IGDCC4: variants seen among roughly 807,000 people sequenced by gnomAD.
IGDCC4 encodes the protein immunoglobulin superfamily DCC subclass member 4.
IGDCC4 carries 72 observed loss-of-function variants against 116.6 expected under a neutral mutation model. The observed-to-expected ratio is 0.62, with a 90% CI of 0.51 to 0.75. The LOEUF is 0.75. Ranked by LOEUF, IGDCC4 falls within the 30% of genes least tolerant of loss-of-function variation. The pLI is 0.00. For missense variants in IGDCC4, 1,501 were observed against 1,662.4 expected (o/e 0.90, Z 1.69); for synonymous variants, 709 against 719.9 (o/e 0.98, Z 0.24).
At chr15:65,387,292 GCATAAGCA>G (rs2091469272) in intron 16 of IGDCC4, among the ~76,000 whole-genome samples, 6 of 151,992 alleles carry the variant, frequency 3.9e-5, no homozygotes, top group Non-Finnish European at 7.4e-5. Context: ...CTTCCAAAGT[GCATAAGCA>G]CTTTGGATTA....
chr15:65,421,806 C>T (rs2140248430), intron 1 of IGDCC4, among the ~76,000 whole-genome samples: 1 of 152,210 alleles, frequency 6.6e-6, no homozygotes, highest in East Asian at 1.9e-4. Context: ...CACCTACACT[C>T]CCCATGAGCC....
chr15:65,418,802 T>C (rs2063165808), intron 1 of IGDCC4, among the ~76,000 whole-genome samples: 2 of 151,810 alleles, frequency 1.3e-5, no homozygotes, highest in South Asian at 4.2e-4. Flanking sequence ...TGCTGTACCA[T>C]GGGAGAGAAT....
Position 65,384,145 on chromosome 15 carries a change from G to A in IGDCC4, c.3617C>T (p.Ala1206Val), listed in dbSNP as rs896761772. 2.5e-6 allele frequency: 4 copies of A among 1,613,670 alleles called. No homozygotes were observed. In the Admixed American group the frequency reaches 6.7e-5, roughly 27 times the overall value. Residue 1206 changes from alanine to valine, a missense_variant, in exon 20 of 20, where the codon GCT becomes GTT. Coordinates refer to ENST00000352385, the MANE Select transcript of IGDCC4 (RefSeq NM_020962.3). This position sits in a 1 kb window ranked among gnomAD's most constrained non-coding sequence, Gnocchi z 4.9. Reference sequence around the variant, plus strand: ...CTGGAGGTCCGGGTAGGAGCAGGAAGCACTGGCTGCCTCTGGCAAGCAGGT... The same window carrying A: ...CTGGAGGTCCGGGTAGGAGCAGGAAACACTGGCTGCCTCTGGCAAGCAGGT... ...RLTCLPEAASASCSYPDLQPG... is the reference protein window; with the variant it reads ...RLTCLPEAASVSCSYPDLQPG...
At position 65,392,129 on chromosome 15, in the gene IGDCC4, C is replaced by T. The variant is rs1361560182; in HGVS notation, c.2122+5G>A. Reference sequence around the variant, plus strand: ...CTCCCTCCCCCTCCCCCCAGCCCTCCTCACCTAGCTGGGTCAGCTCATACT... The same window carrying T: ...CTCCCTCCCCCTCCCCCCAGCCCTCTTCACCTAGCTGGGTCAGCTCATACT... On this transcript the variant is annotated splice_donor_5th_base_variant and intron_variant, in intron 11 of 19. Transcript: ENST00000352385. The T allele has an allele frequency of 1.3e-6, 2 of 1,582,804 alleles. No homozygotes were observed. The highest frequency in any genetic ancestry group is 2.7e-5 in the African/African-American group (2 of 74,250).
chr15:65,384,159 T>C lies in IGDCC4; in HGVS notation c.3603A>G (p.Pro1201=). 1 of 1,613,818 alleles carries C rather than the reference T, an allele frequency of 6.2e-7. No individual in the cohort carries two copies. Among genetic ancestry groups the C allele is most frequent in the Non-Finnish European group, 8.5e-7 (1 of 1,179,916 alleles). ...APGPDRLTCL[P]EAASASCSYP... Reference sequence around the variant, plus strand: ...AGGAGCAGGAAGCACTGGCTGCCTCTGGCAAGCAGGTAAGTCTGTCTGGCC... The same window carrying C: ...AGGAGCAGGAAGCACTGGCTGCCTCCGGCAAGCAGGTAAGTCTGTCTGGCC... The change falls in exon 20 of 20, where the codon CCA becomes CCG. Residue 1201 remains proline, a synonymous_variant. Coordinates refer to ENST00000352385, the MANE Select transcript of IGDCC4 (RefSeq NM_020962.3). The surrounding 1 kb of genome is among the most constrained non-coding windows in gnomAD (Gnocchi z 4.9).
Position 65,393,651 on chromosome 15 carries a change from G to A in IGDCC4, c.1715-120C>T, listed in dbSNP as rs377529812. 108 of 1,037,298 alleles carry A rather than the reference G, an allele frequency of 1.0e-4. No homozygotes were observed. Among genetic ancestry groups the A allele is most frequent in the East Asian group, 1.5e-4 (6 of 39,216 alleles). The allele number at this position is 1,037,298 out of a possible 1,614,324, so 64.3% of individuals were successfully genotyped here. On this transcript the variant is annotated intron_variant, in intron 9 of 19. Transcript: ENST00000352385. The surrounding 1 kb of genome is among the most constrained non-coding windows in gnomAD (Gnocchi z 4.6). ...CTCCGTGCCCGTGGGAGCCTGAGGC[G>A]TTCTCAGCACTGACCCCTCAGTGCC...
intron 5 of IGDCC4, among the ~76,000 whole-genome samples, chr15:65,399,207 A>G (rs1172854762): frequency 6.6e-6 from 1 of 151,880 alleles, no homozygotes; most frequent in Non-Finnish European, 1.5e-5. Flanking sequence ...GCAGTGACTC[A>G]TGGCTGTAAT....
chr15:65,412,332 T>C (rs2063102487), intron 1 of IGDCC4, among the ~76,000 whole-genome samples: 1 of 151,386 alleles, frequency 6.6e-6, no homozygotes, highest in Admixed American at 6.6e-5. Flanking sequence ...ACCAACATGG[T>C]GAAACCCCGT....
intron 10 of IGDCC4, among the ~76,000 whole-genome samples, chr15:65,392,573 G>A (rs1351789559): frequency 6.6e-6 from 1 of 152,158 alleles, no homozygotes; most frequent in African/African-American, 2.4e-5. Context: ...GTCTAGAGGT[G>A]AACTCACTGT....
In IGDCC4 at chr15:65,386,660, G is replaced by T; in HGVS notation, c.2846-4C>A. 6.2e-7 allele frequency: 1 copy of T among 1,607,452 alleles called. No homozygotes were observed. Among genetic ancestry groups the T allele is most frequent in the Non-Finnish European group, 8.5e-7 (1 of 1,177,700 alleles). On this transcript the variant is annotated splice_region_variant and splice_polypyrimidine_tract_variant and intron_variant, in intron 16 of 19. Transcript: ENST00000352385. Reference sequence around the variant, plus strand: ...ACTGAGTGCATGTCCAGCGAGTCTGGTGGGGGAGAGAGAGGCACAGAGCAG... The same window carrying T: ...ACTGAGTGCATGTCCAGCGAGTCTGTTGGGGGAGAGAGAGGCACAGAGCAG...
chr15:65,385,644 G>GC (rs1259612293), intron 18 of IGDCC4, 187 bp downstream of exon 18: 14 of 672,366 alleles, frequency 2.1e-5, no homozygotes, highest in Non-Finnish European at 3.2e-5. Context: ...GACCTATTCC[G>GC]CCGGGATATG....
In IGDCC4 at chr15:65,381,881, T is replaced by C. The variant is rs1463528008; in HGVS notation, c.*2128A>G. On this transcript the variant is annotated 3_prime_UTR_variant, in exon 20 of 20. Transcript: ENST00000352385. ...CCACTTTCTTATCAACTGTGAGTTATAGGCAGATACCAGATTTATTACTTA... is the reference window on the plus strand; with the variant it reads ...CCACTTTCTTATCAACTGTGAGTTACAGGCAGATACCAGATTTATTACTTA... 1.3e-5 allele frequency: 2 copies of C among 152,656 alleles called. No individual in the cohort carries two copies. The highest frequency in any genetic ancestry group is 6.5e-5 in the Admixed American group (1 of 15,288). 9.5% of individuals were successfully genotyped at this position (152,656 alleles called of 1,614,324 possible).
chr15:65,388,997 G>A lies in IGDCC4; in HGVS notation c.2537-19C>T. The A allele has an allele frequency of 6.6e-7, 1 of 1,519,938 alleles. No individual in the cohort carries two copies. The highest frequency in any genetic ancestry group is 8.9e-7 in the Non-Finnish European group (1 of 1,126,238). 94.2% of individuals were successfully genotyped at this position (1,519,938 alleles called of 1,614,324 possible). ...GAGGGCCCTGGGGTGCGGGAGAGGA[G>A]ATGGGGAGAGATGTCAGAGCTGGGG... On this transcript the variant is annotated intron_variant, in intron 14 of 19. Transcript: ENST00000352385.
Position 65,394,545 on chromosome 15 carries a change from G to C in IGDCC4, c.1580C>G (p.Pro527Arg). Residue 527 changes from proline to arginine, a missense_variant, in exon 9 of 20, where the codon CCC becomes CGC. This residue lies in a region of IGDCC4 where 898 missense variants were observed against 978.9 expected (regional missense o/e 0.92). Coordinates refer to ENST00000352385, the MANE Select transcript of IGDCC4 (RefSeq NM_020962.3). ...PALVHTLDDV[P>R]SAAPQLSLSS... ...CAGGGAGAGCTGGGGTGCTGCACTGGGGACTGAGACAGAAGAACATCAGCA... is the reference window on the plus strand; with the variant it reads ...CAGGGAGAGCTGGGGTGCTGCACTGCGGACTGAGACAGAAGAACATCAGCA... 1 of 1,600,178 alleles carries C rather than the reference G, an allele frequency of 6.2e-7. No individual in the cohort carries two copies. The highest frequency in any genetic ancestry group is 8.5e-7 in the Non-Finnish European group (1 of 1,172,940).
intron 5 of IGDCC4, among the ~76,000 whole-genome samples, 160 bp downstream of exon 5, chr15:65,400,646 G>T (rs758786004): frequency 6.6e-6 from 1 of 152,112 alleles, no homozygotes; most frequent in African/African-American, 2.4e-5. Flanking sequence ...ACGCAGCTCC[G>T]ACCTTGACCA....
rs118015704 is a variant in IGDCC4 at position 65,395,079 on chromosome 15, G to A, written c.1576+15C>T. 1.0e-3 allele frequency: 1,607 copies of A among 1,591,870 alleles called. 17 individuals carry two copies. Among genetic ancestry groups the A allele is most frequent in the East Asian group, 4.0e-3 (177 of 44,248 alleles). ...CTTTACCCCAAGCTGCCCACTGCGAGTTCAGAGGCCCTACCATCATCCAGT... is the reference window on the plus strand; with the variant it reads ...CTTTACCCCAAGCTGCCCACTGCGAATTCAGAGGCCCTACCATCATCCAGT... On this transcript the variant is annotated intron_variant, in intron 8 of 19. Coordinates refer to ENST00000352385, the MANE Select transcript of IGDCC4 (RefSeq NM_020962.3).
chr15:65,386,063 G>A lies in IGDCC4; in HGVS notation c.2952-4C>T, dbSNP rs1049689594. 29 of 1,489,052 alleles carry A rather than the reference G, an allele frequency of 1.9e-5. No individual in the cohort carries two copies. In the Admixed American group the frequency reaches 4.2e-4, roughly 22 times the overall value. 92.2% of individuals were successfully genotyped at this position (1,489,052 alleles called of 1,614,324 possible). ...GGACAGGCCTGGGAGGGATTCCCTG[G>A]AAGGGAAGACGGAAAACAAGGCATA... On this transcript the variant is annotated splice_polypyrimidine_tract_variant and splice_region_variant and intron_variant, in intron 17 of 19. Transcript: ENST00000352385.
rs758468988 is a variant in IGDCC4 at position 65,388,657 on chromosome 15, G to A, written c.2708-71C>T. 1.2e-5 allele frequency: 19 copies of A among 1,605,206 alleles called. No individual in the cohort carries two copies. The Admixed American group carries it at 1.3e-4, about 11-fold the overall frequency. On this transcript the variant is annotated intron_variant, in intron 15 of 19. Coordinates refer to ENST00000352385, the MANE Select transcript of IGDCC4 (RefSeq NM_020962.3). ...GGTGGATGCAGAGGTGGGCAGGGAG[G>A]GGACTGGGAGAGTCTGCTCTCCACT...
chr15:65,388,377 A>C (rs2091480805), intron 16 of IGDCC4, 72 bp downstream of exon 16: 1 of 1,597,094 alleles, frequency 6.3e-7, no homozygotes, highest in Non-Finnish European at 8.6e-7. Context: ...AAAACAATGA[A>C]ATTGTAGTTG....
Sources: allele counts gnomAD v4.1 joint callset (sites outside exome capture counted in the v4.1 genomes callset), GRCh38; gene constraint gnomAD v4.1.1; regional missense constraint gnomAD v4.1.1; non-coding constraint Gnocchi (gnomAD v3.1); transcripts MANE v1.5; gene names NCBI Gene and HGNC (gene_info 2026-07-23, HGNC 2026-07-21).